Variants in SORCS1 observed in about 807,000 individuals in gnomAD.
The protein encoded by SORCS1 is VPS10 domain-containing receptor SorCS1.
A neutral mutation model predicts 146.1 loss-of-function variants in SORCS1; 60 were observed. The observed-to-expected ratio is 0.41, with a 90% confidence interval of 0.33 to 0.51. The LOEUF (loss-of-function observed/expected upper bound fraction) is 0.51, where lower values mean the gene tolerates loss of function less well. Among genes scored for constraint, SORCS1 ranks in the 20% least tolerant of loss-of-function variants. The pLI, the probability that SORCS1 is intolerant of heterozygous loss-of-function variation, is 0.21. For missense variants in SORCS1, 1,352 were observed against 1,487.6 expected, an observed-to-expected ratio of 0.91 and a Z score of 1.50; for synonymous variants, 637 against 584.0, an observed-to-expected ratio of 1.09 and a Z score of -1.31.
At chr10:107,066,876 C>T (rs907831733) in intron 1 of SORCS1, among the ~76,000 whole-genome samples, 1 of 152,148 alleles carries the variant, frequency 6.6e-6, no homozygotes, top group Non-Finnish European at 1.5e-5. Context: ...TAGTTGGGCC[C>T]TCTGTAATAT....
At chr10:106,883,384 G>A (rs1300984547) in intron 2 of SORCS1, among the ~76,000 whole-genome samples, 1 of 151,776 alleles carries the variant, frequency 6.6e-6, no homozygotes, top group Non-Finnish European at 1.5e-5. Context: ...GAGCTAAAGT[G>A]CAACATCATT....
chr10:106,677,045 T>G (rs12247948), intron 13 of SORCS1, among the ~76,000 whole-genome samples: 7,864 of 152,206 alleles, frequency 0.052, 669 homozygotes, highest in African/African-American at 0.18. Context: ...TATAAACCCC[T>G]ACTTTTAGTC....
intron 1 of SORCS1, among the ~76,000 whole-genome samples, chr10:106,985,985 C>T (rs1245885616): frequency 6.6e-6 from 1 of 151,916 alleles, no homozygotes; most frequent in Non-Finnish European, 1.5e-5. Context: ...ATCTAGTAAG[C>T]TCCTTCCACA....
intron 2 of SORCS1, among the ~76,000 whole-genome samples, chr10:106,869,720 C>T (rs1264649306): frequency 6.6e-6 from 1 of 152,104 alleles, no homozygotes; most frequent in Non-Finnish European, 1.5e-5. Context: ...ATATGAAAAA[C>T]CCACAGCCAA....
intron 4 of SORCS1, among the ~76,000 whole-genome samples, chr10:106,772,087 T>A (rs1332146641): frequency 1.3e-5 from 2 of 152,196 alleles, no homozygotes; most frequent in Non-Finnish European, 2.9e-5. Flanking sequence ...TGTAAGGGTT[T>A]TTTTAGAAGA....
chr10:107,097,017 T>C (rs1205308216), intron 1 of SORCS1, among the ~76,000 whole-genome samples: 4 of 152,360 alleles, frequency 2.6e-5, no homozygotes, highest in Middle Eastern at 6.8e-3. Flanking sequence ...TAATGTGCTT[T>C]AAGGAGAATA....
chr10:107,160,964 G>A (rs1969655882), intron 1 of SORCS1, among the ~76,000 whole-genome samples: 1 of 152,178 alleles, frequency 6.6e-6, no homozygotes, highest in African/African-American at 2.4e-5. Flanking sequence ...ACGACACCAA[G>A]CTCATGACAA....
rs544625851 is a variant in SORCS1, at chr10:106,579,372, T to C, written c.3368A>G (p.Lys1123Arg). 2.2e-5 allele frequency: 36 copies of C among 1,613,738 alleles called. No individual in the cohort carries two copies. The East Asian group carries it at 8.0e-4, about 36-fold the overall frequency. The change falls in exon 25 of 26, where the codon AAA (lysine) becomes AGA (arginine). Residue 1123 changes from lysine to arginine, a missense_variant. Transcript: ENST00000263054. ...GLAVFVIYKF[K>R]RRVALPSPPS... The stretch of plus-strand genomic sequence containing the variant: ...ACGTGGATAGAGGGACACGCACCTT[T>C]TAAACTTGTAGATGACGAACACTGC...
Position 106,679,629 on chromosome 10 carries a change from T to C in SORCS1, c.1663+3A>G. On this transcript the variant is annotated splice_donor_region_variant and intron_variant, in intron 11 of 25. Transcript: ENST00000263054. Reference sequence around the variant, plus strand: ...CAGCCAGCAAACCAGGTAAGCTTCTTACCTGATGCCACTATGATGCTTGGA... The same window carrying C: ...CAGCCAGCAAACCAGGTAAGCTTCTCACCTGATGCCACTATGATGCTTGGA... The C allele has an allele frequency of 6.2e-7, 1 of 1,609,152 alleles. No homozygotes were observed. The highest frequency in any genetic ancestry group is 8.5e-7 in the Non-Finnish European group (1 of 1,177,148).
chr10:107,057,093 A>G (rs1960713710), intron 1 of SORCS1, among the ~76,000 whole-genome samples: 1 of 152,226 alleles, frequency 6.6e-6, no homozygotes, highest in Admixed American at 6.5e-5. Flanking sequence ...TTCAAAGAGC[A>G]TGGCTAGGAC....
intron 1 of SORCS1, among the ~76,000 whole-genome samples, chr10:107,056,794 T>C (rs1960681105): frequency 6.6e-6 from 1 of 152,248 alleles, no homozygotes; most frequent in African/African-American, 2.4e-5. Flanking sequence ...GAGTTCTGTG[T>C]CTAACTTTAC....
At chr10:106,837,203 A>G (rs1390772219) in intron 2 of SORCS1, among the ~76,000 whole-genome samples, 3 of 152,148 alleles carry the variant, frequency 2.0e-5, no homozygotes, top group Non-Finnish European at 4.4e-5. Flanking sequence ...TTATAATCCA[A>G]TTTCCATGCT....
At chr10:106,733,121 G>A (rs199888803) in intron 5 of SORCS1, among the ~76,000 whole-genome samples, 45,598 of 120,152 alleles carry the variant, frequency 0.38, 10,410 homozygotes, top group African/African-American at 0.41. Flanking sequence ...AAAAAGAAAA[G>A]AAAAGAAAAG....
intron 3 of SORCS1, among the ~76,000 whole-genome samples, chr10:106,787,711 T>C (rs1291044021): frequency 6.6e-6 from 1 of 152,236 alleles, no homozygotes; most frequent in South Asian, 2.1e-4. Flanking sequence ...CGATCTTTTA[T>C]GGATCTGGCC....
At chr10:106,993,021 G>C (rs560784743) in intron 1 of SORCS1, among the ~76,000 whole-genome samples, 2 of 151,728 alleles carry the variant, frequency 1.3e-5, no homozygotes, top group South Asian at 4.2e-4. Flanking sequence ...TAGTAGAGAC[G>C]GGGTTTCACC....
chr10:106,889,233 T>C (rs1183009209), intron 2 of SORCS1, among the ~76,000 whole-genome samples: 3 of 152,092 alleles, frequency 2.0e-5, no homozygotes, highest in African/African-American at 7.2e-5. Flanking sequence ...TCAAGACACT[T>C]AGTGCCGTAA....
At chr10:106,944,786 A>G (rs1954226476) in intron 2 of SORCS1, among the ~76,000 whole-genome samples, 1 of 151,500 alleles carries the variant, frequency 6.6e-6, no homozygotes, top group Non-Finnish European at 1.5e-5. Context: ...ATAGAGAAGT[A>G]ATGAATAAAA....
chr10:106,600,088 C>A (rs1846150212), intron 23 of SORCS1, among the ~76,000 whole-genome samples: 2 of 152,108 alleles, frequency 1.3e-5, no homozygotes, highest in South Asian at 2.1e-4. Context: ...CTGTGCCTGG[C>A]CGCAATATTT....
At chr10:107,021,082 C>T (rs1285835471) in intron 1 of SORCS1, among the ~76,000 whole-genome samples, 1 of 152,018 alleles carries the variant, frequency 6.6e-6, no homozygotes, top group Non-Finnish European at 1.5e-5. Flanking sequence ...TTTGGGTGCA[C>T]ACATGAATAC....
Sources: gnomAD v4.1 joint callset for allele counts (sites outside exome capture counted in the v4.1 genomes callset) on GRCh38, gnomAD v4.1.1 for gene constraint, MANE v1.5 for transcripts, NCBI Gene and HGNC (gene_info 2026-07-23, HGNC 2026-07-21) for gene names.